Variants in ERBB4 observed in about 807,000 individuals in gnomAD.
The protein encoded by ERBB4 is erb-b2 receptor tyrosine kinase 4, also known as receptor tyrosine-protein kinase erbB-4.
A neutral mutation model predicts 158.0 loss-of-function variants in ERBB4; 42 were observed. That is an observed-to-expected ratio of 0.27 (90% CI 0.21 to 0.34). The LOEUF is 0.34. Ranked by LOEUF, ERBB4 falls within the 10% of genes least tolerant of loss-of-function variation. ERBB4 has a pLI of 1.00. For synonymous variants in ERBB4, 583 were observed against 558.7 expected (o/e 1.04, Z -0.61); for missense variants, 1,333 against 1,624.1 (o/e 0.82, Z 3.08).
chr2:211,696,820 C>A (rs972420906), intron 12 of ERBB4, among the ~76,000 whole-genome samples: 4 of 152,112 alleles, frequency 2.6e-5, no homozygotes, highest in African/African-American at 4.8e-5. Flanking sequence ...CAGGCACCTG[C>A]CACCATGTCT....
intron 1 of ERBB4, among the ~76,000 whole-genome samples, chr2:212,505,567 G>A (rs141946394): frequency 1.3e-5 from 2 of 149,136 alleles, no homozygotes; most frequent in African/African-American, 4.8e-5. Context: ...TGCTGGCTAT[G>A]CCAAAAAGGC....
chr2:211,561,832 A>G (rs750428040), intron 20 of ERBB4, 71 bp downstream of exon 20: 25 of 1,304,942 alleles, frequency 1.9e-5, no homozygotes, highest in Non-Finnish European at 2.8e-5. Flanking sequence ...TATTTTCAAT[A>G]TGAAAACTGT....
At chr2:211,413,295 G>A (rs1415426224) in intron 25 of ERBB4, among the ~76,000 whole-genome samples, 1 of 63,754 alleles carries the variant, frequency 1.6e-5, no homozygotes, top group Non-Finnish European at 3.7e-5. Flanking sequence ...GACAGAGAGA[G>A]ACCCTGTCTT....
At chr2:211,797,109 C>T (rs913856743) in intron 3 of ERBB4, among the ~76,000 whole-genome samples, 5 of 151,856 alleles carry the variant, frequency 3.3e-5, no homozygotes, top group African/African-American at 9.7e-5. Context: ...ATAGAACACT[C>T]TTTTACATAA....
chr2:211,783,620 G>A (rs994308309), intron 4 of ERBB4, among the ~76,000 whole-genome samples: 4 of 152,216 alleles, frequency 2.6e-5, no homozygotes, highest in Non-Finnish European at 4.4e-5. Flanking sequence ...AATCTATTGA[G>A]ATAATCACGT....
chr2:211,994,300 A>T (rs1290395303), intron 2 of ERBB4, among the ~76,000 whole-genome samples: 1 of 145,730 alleles, frequency 6.9e-6, no homozygotes, highest in Non-Finnish European at 1.5e-5. Flanking sequence ...TCAGCTAATT[A>T]AAAAAAAAAA....
At chr2:212,084,099 A>T (rs1242398400) in intron 2 of ERBB4, among the ~76,000 whole-genome samples, 1 of 151,898 alleles carries the variant, frequency 6.6e-6, no homozygotes, top group African/African-American at 2.4e-5. Flanking sequence ...CCATGGCACA[A>T]TGCTCCCTCT....
chr2:211,470,646 C>T (rs558877134), intron 20 of ERBB4, among the ~76,000 whole-genome samples: 4 of 152,098 alleles, frequency 2.6e-5, no homozygotes, highest in Admixed American at 6.5e-5. Flanking sequence ...TTGGAAATCC[C>T]GTAAAACTAA....
intron 2 of ERBB4, among the ~76,000 whole-genome samples, chr2:211,975,979 A>C (rs2125216441): frequency 6.6e-6 from 1 of 152,276 alleles, no homozygotes; most frequent in African/African-American, 2.4e-5. Flanking sequence ...ACAATATTTT[A>C]TTTAAATAAT....
intron 20 of ERBB4, among the ~76,000 whole-genome samples, chr2:211,459,779 G>A (rs1289698115): frequency 4.6e-5 from 7 of 152,038 alleles, no homozygotes; most frequent in East Asian, 1.9e-4. Flanking sequence ...TTTATCAGGA[G>A]CATGAAAATG....
At chr2:212,055,299 G>A (rs528555884) in intron 2 of ERBB4, among the ~76,000 whole-genome samples, 2 of 152,330 alleles carry the variant, frequency 1.3e-5, no homozygotes, top group African/African-American at 4.8e-5. Flanking sequence ...AAGCGGCCAG[G>A]AAGCTCGAAC....
intron 22 of ERBB4, 88 bp from the exon 23 acceptor site, chr2:211,424,389 T>C (rs1208677461): frequency 1.1e-6 from 1 of 891,656 alleles, no homozygotes; most frequent in African/African-American, 1.7e-5. Context: ...AGAATACTCC[T>C]TACAGGTCAA....
chr2:211,710,214 G>A lies in ERBB4; in HGVS notation c.1124+1836C>T, dbSNP rs112377347. The stretch of plus-strand genomic sequence containing the variant: ...AAACCACTTGTCTAATGCAATTCAT[G>A]TGAATATGATTTCAAATCATTCCCC... On this transcript the variant is annotated intron_variant, in intron 9 of 27. Coordinates refer to ENST00000342788, the MANE Select transcript of ERBB4 (RefSeq NM_005235.3). 8.4e-3 allele frequency among the ~76,000 whole-genome samples: 1,276 copies of A among 152,220 alleles called. 20 individuals are homozygous for A. Among genetic ancestry groups the A allele is most frequent in the African/African-American group, 0.03 (1,237 of 41,548 alleles).
intron 1 of ERBB4, among the ~76,000 whole-genome samples, chr2:212,247,524 T>C (rs1209166596): frequency 1.3e-5 from 2 of 152,212 alleles, no homozygotes; most frequent in Non-Finnish European, 2.9e-5. Context: ...TGTGGTAAAA[T>C]TATTAGAATT....
chr2:212,310,873 T>A (rs890374525), intron 1 of ERBB4, among the ~76,000 whole-genome samples: 2 of 148,402 alleles, frequency 1.3e-5, no homozygotes, highest in African/African-American at 2.5e-5. Flanking sequence ...AAAAAAAAAA[T>A]GAAATTCATT....
At chr2:211,869,387 T>C (rs2078286036) in intron 3 of ERBB4, among the ~76,000 whole-genome samples, 1 of 152,182 alleles carries the variant, frequency 6.6e-6, no homozygotes, top group Admixed American at 6.5e-5. Flanking sequence ...CACTGTATGA[T>C]TTAGCTTAAA....
intron 17 of ERBB4, among the ~76,000 whole-genome samples, chr2:211,626,190 A>C (rs899603012): frequency 6.6e-6 from 1 of 152,180 alleles, no homozygotes; most frequent in Non-Finnish European, 1.5e-5. Context: ...GCATATTGTA[A>C]GCACTAAATC....
intron 4 of ERBB4, among the ~76,000 whole-genome samples, chr2:211,765,096 C>T (rs1299451628): frequency 1.3e-5 from 2 of 152,082 alleles, no homozygotes; most frequent in East Asian, 1.9e-4. Context: ...CTCACTCCCT[C>T]GCCTCACAAT....
chr2:212,429,701 A>G (rs987253843), intron 1 of ERBB4, among the ~76,000 whole-genome samples: 3 of 152,134 alleles, frequency 2.0e-5, no homozygotes, highest in African/African-American at 7.2e-5. Flanking sequence ...TAAATAACAC[A>G]TGATGAACAC....
Sources: gnomAD v4.1 joint callset for allele counts (sites outside exome capture counted in the v4.1 genomes callset) on GRCh38, gnomAD v4.1.1 for gene constraint, MANE v1.5 for transcripts, NCBI Gene and HGNC (gene_info 2026-07-23, HGNC 2026-07-21) for gene names.